The following GPR108 variants were observed in gnomAD, a reference collection of about 807,000 sequenced individuals.
GPR108 encodes the protein G protein-coupled receptor 108.
In GPR108, 60 loss-of-function variants were observed where a neutral mutation model predicts 74.3. That is an observed-to-expected ratio of 0.81 (90% CI 0.66 to 1.00). GPR108 has a LOEUF of 1.00. Ranked by LOEUF, GPR108 falls within the 50% of genes least tolerant of loss-of-function variation. The pLI is 0.00. For synonymous variants in GPR108, 311 were observed against 292.4 expected, an observed-to-expected ratio of 1.06 and a Z score of -0.65; for missense variants, 667 against 703.3, an observed-to-expected ratio of 0.95 and a Z score of 0.58.
intron 3 of GPR108, 29 bp from the exon 4 acceptor site, chr19:6,735,733 T>C: frequency 6.3e-7 from 1 of 1,598,226 alleles, no homozygotes; most frequent in East Asian, 2.2e-5. Flanking sequence ...GGAGTGAGTC[T>C]TGGTTACTCC....
chr19:6,735,700 C>A lies in GPR108; in HGVS notation c.296G>T (p.Arg99Leu). ...RSGRVRSYST[R>L]DFQDCPLQKN... Reference sequence around the variant, plus strand: ...CTGGAGAGGGCAGTCCTGGAAATCCCGGGTCTGGGGGGTGGGCAGGAGGGA... The same window carrying A: ...CTGGAGAGGGCAGTCCTGGAAATCCAGGGTCTGGGGGGTGGGCAGGAGGGA... Residue 99 changes from arginine (R) to leucine (L), a missense_variant, in exon 4 of 18, where the codon CGG becomes CTG. Coordinates refer to ENST00000264080, the MANE Select transcript of GPR108 (RefSeq NM_001080452.2). 1.2e-6 allele frequency: 2 copies of A among 1,613,914 alleles called. No individual in the cohort carries two copies. The highest frequency in any genetic ancestry group is 2.2e-5 in the South Asian group (2 of 91,076).
At position 6,731,531 on chromosome 19, in the gene GPR108, G is replaced by A. The variant is rs751621057; in HGVS notation, c.1301-9C>T. Reference sequence around the variant, plus strand: ...GGCCAGGTTCACTGCCACTGAGGGTGGGCACAGAGAGGGCGGTCAGGGGAG... The same window carrying A: ...GGCCAGGTTCACTGCCACTGAGGGTAGGCACAGAGAGGGCGGTCAGGGGAG... On this transcript the variant is annotated splice_polypyrimidine_tract_variant and intron_variant, in intron 14 of 17. Coordinates refer to ENST00000264080, the MANE Select transcript of GPR108 (RefSeq NM_001080452.2). 2 of 1,464,652 alleles carry A rather than the reference G, an allele frequency of 1.4e-6. No individual in the cohort carries two copies. Among genetic ancestry groups the A allele is most frequent in the Non-Finnish European group, 9.1e-7 (1 of 1,103,602 alleles). The allele number at this position is 1,464,652 out of a possible 1,614,324, so 90.7% of individuals were successfully genotyped here.
chr19:6,733,387 C>T, intron 8 of GPR108, 86 bp from the exon 9 acceptor site: 2 of 1,444,210 alleles, frequency 1.4e-6, no homozygotes, highest in Non-Finnish European at 1.9e-6. Flanking sequence ...CTCCAGCTCT[C>T]TCACTTTCTA....
chr19:6,732,506 C>G lies in GPR108; in HGVS notation c.977G>C (p.Gly326Ala), dbSNP rs993869080. The G allele has an allele frequency of 6.2e-7, 1 of 1,613,728 alleles. No individual in the cohort carries two copies. The highest frequency in any genetic ancestry group is 1.3e-5 in the African/African-American group (1 of 74,876). Residue 326 changes from glycine (G) to alanine (A), a missense_variant, in exon 11 of 18, where the codon GGC becomes GCC. Gly to Ala is a moderately conservative substitution (Grantham distance 60). Coordinates refer to ENST00000264080, the MANE Select transcript of GPR108 (RefSeq NM_001080452.2). The stretch of plus-strand genomic sequence containing the variant: ...TGCGATGTAGTACATGACGGCAAGG[C>G]CTTCGATGGGGTGGCCCTGGCTGTT... ...FINSQGHPIE[G>A]LAVMYYIAHL... is the part of the protein sequence containing the mutation.
chr19:6,737,066 C>A (rs148380464), intron 1 of GPR108: 9 of 385,612 alleles, frequency 2.3e-5, no homozygotes, highest in African/African-American at 1.4e-4. Flanking sequence ...TCAACAGAAC[C>A]CCCCAAATCC....
At chr19:6,732,928 GA>G (rs1968477371) in intron 10 of GPR108, 58 bp downstream of exon 10, 1 of 1,456,572 alleles carries the variant, frequency 6.9e-7, no homozygotes. Flanking sequence ...AGATTTGGGG[GA>G]TGGCCCGGGT....
chr19:6,733,309 G>A lies in GPR108; in HGVS notation c.724-8C>T, dbSNP rs188132326. 1.6e-4 allele frequency: 259 copies of A among 1,611,746 alleles called. No individual in the cohort carries two copies. Among genetic ancestry groups the A allele is most frequent in the Admixed American group, 1.5e-4 (9 of 59,946 alleles). On this transcript the variant is annotated splice_polypyrimidine_tract_variant and splice_region_variant and intron_variant, in intron 8 of 17. Transcript: ENST00000264080. ...CTTCTCCCGGATCATCACCTGCGGA[G>A]GGGGCAGTGGTGGGCGGCGGCAGGG...
chr19:6,735,875 C>T (rs374068558), intron 3 of GPR108, 33 bp downstream of exon 3: 372 of 1,605,556 alleles, frequency 2.3e-4, no homozygotes, highest in Non-Finnish European at 3.1e-4. Flanking sequence ...CCCTCCAGCC[C>T]CTTCTCCCGT....
At chr19:6,736,067 A>G in intron 2 of GPR108, 109 bp from the exon 3 acceptor site, 1 of 903,722 alleles carries the variant, frequency 1.1e-6, no homozygotes. Flanking sequence ...AACACCTAAC[A>G]TGTGCTAGAT....
At chr19:6,730,907 CTGCCCACCCTGCCCGTAG>C in intron 17 of GPR108, 62 bp downstream of exon 17, 1 of 1,043,518 alleles carries the variant, frequency 9.6e-7, no homozygotes, top group Non-Finnish European at 1.4e-6. Context: ...TCCCTCCCCC[CTGCCCACCCTGCCCGTAG>C]AGCTGCCCAC....
Position 6,732,214 on chromosome 19 carries a change from G to A in GPR108, c.1125+49C>T, listed in dbSNP as rs763728066. 1.4e-5 allele frequency: 22 copies of A among 1,611,788 alleles called. No individual in the cohort carries two copies. The African/African-American group carries it at 2.5e-4, about 19-fold the overall frequency. On this transcript the variant is annotated intron_variant, in intron 12 of 17. Coordinates refer to ENST00000264080, the MANE Select transcript of GPR108 (RefSeq NM_001080452.2). ...TGGCACGCTCCCCTTTGCCCCCACT[G>A]CCCTGTGCAGCCCTCCCCGCCCTGC...
chr19:6,730,162 C>T lies in GPR108; in HGVS notation c.*150G>A. On this transcript the variant is annotated 3_prime_UTR_variant, in exon 18 of 18. Coordinates refer to ENST00000264080, the MANE Select transcript of GPR108 (RefSeq NM_001080452.2). ...TGGGGGGAGGAAGGGACTCTTCTTC[C>T]AAATGGGCTTGTCCGGGAACCGGGG... 4.2e-6 allele frequency: 3 copies of T among 713,508 alleles called. No homozygotes were observed. Among genetic ancestry groups the T allele is most frequent in the Non-Finnish European group, 7.4e-6 (3 of 403,508 alleles). The allele number at this position is 713,508 out of a possible 1,614,324, so 44.2% of individuals were successfully genotyped here. A position where few individuals can be genotyped will look rare whatever the true frequency, so the allele number is the denominator to read the frequency against.
Position 6,737,485 on chromosome 19 carries a change from G to C in GPR108, c.92C>G (p.Ser31Cys). The C allele has an allele frequency of 6.3e-7, 1 of 1,587,334 alleles. No individual in the cohort carries two copies. Among genetic ancestry groups the C allele is most frequent in the Non-Finnish European group, 8.5e-7 (1 of 1,174,584 alleles). The change falls in exon 1 of 18, where the codon TCC (serine) becomes TGC (cysteine). Residue 31 changes from serine to cysteine, a missense_variant. By Grantham distance (112) the Ser-to-Cys change is moderately radical. Transcript: ENST00000264080. ...CAGCGCCAGCTGGTGGATGCGCCCG[G>C]AGCAGCCACCCAGCAGCAGCACCAG... is the stretch of plus-strand genomic sequence containing the variant. ...LLLVLLLGGCSGRIHQLALTG... is the reference protein window; with the variant it reads ...LLLVLLLGGCCGRIHQLALTG...
chr19:6,731,925 C>G lies in GPR108; in HGVS notation c.1266G>C (p.Arg422=), dbSNP rs759559597. 1 of 1,612,798 alleles carries G rather than the reference C, an allele frequency of 6.2e-7. No homozygotes were observed. The highest frequency in any genetic ancestry group is 1.1e-5 in the South Asian group (1 of 90,938). The change falls in exon 14 of 18, where the codon CGG becomes CGC. Residue 422 remains arginine, a synonymous_variant. Coordinates refer to ENST00000264080, the MANE Select transcript of GPR108 (RefSeq NM_001080452.2). ...CTGTGCCAGACGCATCCTGGAGATG[C>G]CGGATGGACCTGGGACAAGTGGAGG... The part of the protein sequence containing the change: ...AILFPVVWSI[R]HLQDASGTDG...
Position 6,737,565 on chromosome 19 carries a change from G to A in GPR108, c.12C>T (p.Ser4=), listed in dbSNP as rs1296076893. The change falls in exon 1 of 18, where the codon AGC becomes AGT. Residue 4 remains serine, a synonymous_variant. Coordinates refer to ENST00000264080, the MANE Select transcript of GPR108 (RefSeq NM_001080452.2). Reference sequence around the variant, plus strand: ...TCCCGCGGCCGAGCCCCCTCCTCTCGCTCACTGCCATCTCTGGAGCCACCT... The same window carrying A: ...TCCCGCGGCCGAGCCCCCTCCTCTCACTCACTGCCATCTCTGGAGCCACCT... The part of the protein sequence containing the change: MAV[S]ERRGLGRGSP... 2 of 1,512,518 alleles carry A rather than the reference G, an allele frequency of 1.3e-6. No individual in the cohort carries two copies. The highest frequency in any genetic ancestry group is 1.2e-5 in the South Asian group (1 of 81,948). The allele number at this position is 1,512,518 out of a possible 1,614,324, so 93.7% of individuals were successfully genotyped here. A position where few individuals can be genotyped will look rare whatever the true frequency, so the allele number is the denominator to read the frequency against.
intron 4 of GPR108, among the ~76,000 whole-genome samples, chr19:6,734,873 A>G (rs1968567799): frequency 6.9e-6 from 1 of 144,034 alleles, no homozygotes; most frequent in Admixed American, 6.9e-5. Context: ...TATTATTATT[A>G]TTATTATTAT....
Position 6,732,318 on chromosome 19 carries a change from T to A in GPR108, c.1070A>T (p.Lys357Met). Residue 357 changes from lysine (K) to methionine (M), a missense_variant, in exon 12 of 18, where the codon AAG becomes ATG. Coordinates refer to ENST00000264080, the MANE Select transcript of GPR108 (RefSeq NM_001080452.2). Reference sequence around the variant, plus strand: ...CTTCTCCTTATCCGACAGGACGTACTTGATGAAGGCCCAGCCTGAGCCAAT... The same window carrying A: ...CTTCTCCTTATCCGACAGGACGTACATGATGAAGGCCCAGCCTGAGCCAAT... ...ALIGSGWAFIKYVLSDKEKKV... is the reference protein window; with the variant it reads ...ALIGSGWAFIMYVLSDKEKKV... 1.2e-6 allele frequency: 2 copies of A among 1,613,344 alleles called. No individual in the cohort carries two copies. The highest frequency in any genetic ancestry group is 2.7e-5 in the African/African-American group (2 of 75,032).
intron 10 of GPR108, 114 bp downstream of exon 10, chr19:6,732,873 G>C: frequency 1.1e-6 from 1 of 912,556 alleles, no homozygotes; most frequent in Non-Finnish European, 1.7e-6. Context: ...GGGTGGACAC[G>C]TGGATAGCTG....
At chr19:6,734,867 A>ATTATTC (rs1230378705) in intron 4 of GPR108, among the ~76,000 whole-genome samples, 1 of 114,718 alleles carries the variant, frequency 8.7e-6, no homozygotes, top group Non-Finnish European at 1.6e-5. Flanking sequence ...TATTATTATT[A>ATTATTC]TTATTATTAT....
Sources: gnomAD v4.1 joint callset for allele counts (sites outside exome capture counted in the v4.1 genomes callset) on GRCh38, gnomAD v4.1.1 for gene constraint, MANE v1.5 for transcripts, NCBI Gene and HGNC (gene_info 2026-07-23, HGNC 2026-07-21) for gene names.